ANKRD28: variants seen among roughly 807,000 people sequenced by gnomAD.
ANKRD28 encodes the protein serine/threonine-protein phosphatase 6 regulatory ankyrin repeat subunit A.
Under a neutral mutation model 126.5 loss-of-function variants are expected in ANKRD28, and 44 were observed. The ratio of observed to expected loss-of-function variants is 0.35; its 90% confidence interval spans 0.27 to 0.45. ANKRD28 has a LOEUF of 0.45. ANKRD28 is among the 20% of genes least tolerant of loss of function. The pLI, the probability that ANKRD28 is intolerant of heterozygous loss-of-function variation, is 1.00. For missense variants in ANKRD28, 1,110 were observed against 1,316.6 expected (o/e 0.84, Z 2.43); for synonymous variants, 442 against 468.5 (o/e 0.94, Z 0.73).
rs967062495 is a variant in ANKRD28, at chr3:15,833,111, T to C, written c.27+26266A>G. Among the ~76,000 whole-genome samples, 6 of 152,132 alleles carry C rather than the reference T, an allele frequency of 3.9e-5. No individual in the cohort carries two copies. Among genetic ancestry groups the C allele is most frequent in the Non-Finnish European group, 1.5e-5 (1 of 68,018 alleles). On this transcript the variant is annotated intron_variant, in intron 1 of 27. Transcript: ENST00000399451. This position sits in a 1 kb window ranked among gnomAD's most constrained non-coding sequence, Gnocchi z 4.4. ...TGATGGTTAAAACTGAGTGTCAACT[T>C]GATTGGATTGAAGGATGCAAAGTAT...
intron 1 of ANKRD28, among the ~76,000 whole-genome samples, chr3:15,802,997 TA>T (rs1294296723): frequency 2.6e-5 from 4 of 152,186 alleles, no homozygotes; most frequent in African/African-American, 9.7e-5. Context: ...GACAAGGAAC[TA>T]ATGGGTGGCC....
chr3:15,700,558 G>A (rs773314586), intron 14 of ANKRD28, among the ~76,000 whole-genome samples: 5 of 152,026 alleles, frequency 3.3e-5, no homozygotes, highest in Non-Finnish European at 5.9e-5. Flanking sequence ...GGCAGATCAT[G>A]AGGCCAAGAG....
chr3:15,854,805 C>G lies in ANKRD28; in HGVS notation c.27+4572G>C, dbSNP rs1173579074. Among the ~76,000 whole-genome samples the G allele has an allele frequency of 6.6e-6, 1 of 152,136 alleles. No individual in the cohort carries two copies. Among genetic ancestry groups the G allele is most frequent in the African/African-American group, 2.4e-5 (1 of 41,418 alleles). On this transcript the variant is annotated intron_variant, in intron 1 of 27. Transcript: ENST00000399451. The surrounding 1 kb of genome is among the most constrained non-coding windows in gnomAD (Gnocchi z 4.1). ...GTGGCTCACGCCTGTAATCCCAGCACTTTGGGAGGCCAAGGTGGGTGGATC... is the reference window on the plus strand; with the variant it reads ...GTGGCTCACGCCTGTAATCCCAGCAGTTTGGGAGGCCAAGGTGGGTGGATC...
chr3:15,687,957 T>C (rs925813200), intron 18 of ANKRD28, among the ~76,000 whole-genome samples: 4 of 152,220 alleles, frequency 2.6e-5, no homozygotes, highest in African/African-American at 9.6e-5. Flanking sequence ...CCCTCAGTGT[T>C]CTTTTCATGG....
chr3:15,783,617 GT>G (rs2059636045), intron 2 of ANKRD28, among the ~76,000 whole-genome samples: 1 of 151,976 alleles, frequency 6.6e-6, no homozygotes, highest in Non-Finnish European at 1.5e-5. Flanking sequence ...GCACCTAAAT[GT>G]TTACGAAAGG....
chr3:15,848,140 G>C (rs1390711983), intron 1 of ANKRD28, among the ~76,000 whole-genome samples: 1 of 152,196 alleles, frequency 6.6e-6, no homozygotes. Flanking sequence ...CACAAATGTA[G>C]CTAACTGGAA....
chr3:15,667,346 A>G lies in ANKRD28; in HGVS notation c.*2924T>C, dbSNP rs1352075813. The G allele has an allele frequency of 6.6e-6, 1 of 152,250 alleles. No individual in the cohort carries two copies. The highest frequency in any genetic ancestry group is 1.5e-5 in the Non-Finnish European group (1 of 68,038). The allele number at this position is 152,250 out of a possible 1,614,324, so 9.4% of individuals were successfully genotyped here. On this transcript the variant is annotated 3_prime_UTR_variant, in exon 28 of 28. Transcript: ENST00000683139. ...CTCCTGAACTAAATGGCATTGTTTG[A>G]GATGAGTGTCTTGTTAAAGGAGGTC...
chr3:15,762,819 C>G (rs2058560842), intron 3 of ANKRD28, among the ~76,000 whole-genome samples: 1 of 152,130 alleles, frequency 6.6e-6, no homozygotes, highest in Admixed American at 6.5e-5. Flanking sequence ...TTCTAGGTAT[C>G]TTAATGACAT....
chr3:15,750,843 C>T (rs959707550), intron 4 of ANKRD28, among the ~76,000 whole-genome samples: 11 of 152,114 alleles, frequency 7.2e-5, no homozygotes, highest in African/African-American at 2.7e-4. Context: ...CCTTTCTTAA[C>T]CTCACAATTT....
chr3:15,857,641 A>G (rs1423063944), intron 1 of ANKRD28, among the ~76,000 whole-genome samples: 3 of 152,212 alleles, frequency 2.0e-5, no homozygotes, highest in Non-Finnish European at 2.9e-5. Context: ...TATACATAAG[A>G]CTGGAGTGGC....
chr3:15,755,963 G>C (rs2058131286), intron 3 of ANKRD28, among the ~76,000 whole-genome samples: 2 of 152,202 alleles, frequency 1.3e-5, no homozygotes, highest in Admixed American at 6.5e-5. Flanking sequence ...ATTTAAGAAA[G>C]ATACCATCAG....
chr3:15,854,321 T>C lies in ANKRD28; in HGVS notation c.27+5056A>G, dbSNP rs1235611771. ...GACTATCTCCTGATTATCCCATCCA[T>C]CCTTCCTGGCTTGCCTTCACAGTTC... On this transcript the variant is annotated intron_variant, in intron 1 of 27. Coordinates refer to the ANKRD28 transcript ENST00000399451. This position sits in a 1 kb window ranked among gnomAD's most constrained non-coding sequence, Gnocchi z 4.1. 2.6e-5 allele frequency among the ~76,000 whole-genome samples: 4 copies of C among 152,212 alleles called. No individual in the cohort carries two copies. The highest frequency in any genetic ancestry group is 4.8e-5 in the African/African-American group (2 of 41,442).
chr3:15,847,268 A>G (rs1487596232), intron 1 of ANKRD28, among the ~76,000 whole-genome samples: 1 of 152,258 alleles, frequency 6.6e-6, no homozygotes, highest in African/African-American at 2.4e-5. Flanking sequence ...TGATGAAAAA[A>G]TTAAGACTTC....
chr3:15,807,952 A>C (rs2060624334), intron 1 of ANKRD28, among the ~76,000 whole-genome samples: 2 of 152,224 alleles, frequency 1.3e-5, no homozygotes, highest in Non-Finnish European at 1.5e-5. Context: ...AGGTAACTTG[A>C]ATAGCTACTA....
intron 1 of ANKRD28, among the ~76,000 whole-genome samples, chr3:15,829,476 T>C (rs1293987707): frequency 6.6e-6 from 1 of 152,196 alleles, no homozygotes; most frequent in Non-Finnish European, 1.5e-5. Flanking sequence ...TATGAAGCCA[T>C]ATGAATGAGC....
intron 8 of ANKRD28, among the ~76,000 whole-genome samples, chr3:15,716,867 C>T (rs1197368807): frequency 3.9e-5 from 6 of 152,112 alleles, no homozygotes; most frequent in Admixed American, 2.0e-4. Context: ...GAGGCCAAAG[C>T]GGAAGGACTG....
intron 8 of ANKRD28, among the ~76,000 whole-genome samples, chr3:15,720,520 T>C (rs760339585): frequency 2.0e-5 from 3 of 152,222 alleles, no homozygotes; most frequent in Non-Finnish European, 4.4e-5. Context: ...TTATATGCTA[T>C]GAAAGCATAC....
chr3:15,778,543 G>A (rs1203234863), intron 2 of ANKRD28, among the ~76,000 whole-genome samples: 1 of 152,150 alleles, frequency 6.6e-6, no homozygotes, highest in Non-Finnish European at 1.5e-5. Flanking sequence ...GAGAATGCCT[G>A]AGTTCTTACC....
At position 15,737,133 on chromosome 3, in the gene ANKRD28, TTTACA is replaced by T; in HGVS notation, c.447_451del (p.Lys151CysfsTer2). The T allele has an allele frequency of 6.2e-7, 1 of 1,614,012 alleles. No individual in the cohort carries two copies. The highest frequency in any genetic ancestry group is 8.5e-7 in the Non-Finnish European group (1 of 1,179,898). On this transcript the variant is annotated frameshift_variant, in exon 5 of 28. Transcript: ENST00000683139. LOFTEE classifies it high-confidence loss of function. ...AAGAGGTACCAAAGCTTCAGCACAC[TTTACA>T]GCTTTATTAGCAGCAGCTATATGTA...
Sources: allele counts gnomAD v4.1 joint callset (sites outside exome capture counted in the v4.1 genomes callset), GRCh38; gene constraint gnomAD v4.1.1; non-coding constraint Gnocchi (gnomAD v3.1); transcripts MANE v1.5; gene names NCBI Gene and HGNC (gene_info 2026-07-23, HGNC 2026-07-21).